Variants in PRKN observed in about 807,000 individuals in gnomAD.
The protein encoded by PRKN is parkin RBR E3 ubiquitin protein ligase, also known as E3 ubiquitin-protein ligase parkin.
Under a neutral mutation model 59.5 loss-of-function variants are expected in PRKN, and 56 were observed. The observed-to-expected ratio is 0.94, with a 90% confidence interval of 0.76 to 1.18. The LOEUF (loss-of-function observed/expected upper bound fraction) is 1.18, where lower values mean the gene tolerates loss of function less well. Ranked by LOEUF, PRKN falls within the 50% of genes most tolerant of loss-of-function variation. PRKN has a pLI of 0.00. For missense variants in PRKN, 657 were observed against 596.4 expected (o/e 1.10, Z -1.06); for synonymous variants, 250 against 222.1 (o/e 1.13, Z -1.12).
Position 161,386,299 on chromosome 6 carries a change from A to G in PRKN, c.1167+495T>C, listed in dbSNP as rs1179557334. ...TTAGAGAGTGAGGCTCGGCCAACAC[A>G]TTCTTTACTTAATGAGGACTGAAAC... On this transcript the variant is annotated intron_variant, in intron 10 of 11. Coordinates refer to ENST00000366898, the MANE Select transcript of PRKN (RefSeq NM_004562.3). The surrounding 1 kb of genome is among the most constrained non-coding windows in gnomAD (Gnocchi z 4.3). 1.3e-5 allele frequency among the ~76,000 whole-genome samples: 2 copies of G among 152,218 alleles called. No homozygotes were observed. The highest frequency in any genetic ancestry group is 6.5e-5 in the Admixed American group (1 of 15,284).
intron 9 of PRKN, among the ~76,000 whole-genome samples, chr6:161,507,572 C>T (rs1449253707): frequency 2.0e-5 from 3 of 152,136 alleles, no homozygotes; most frequent in Non-Finnish European, 4.4e-5. Flanking sequence ...TGGGGACAGC[C>T]AAGCTTTCCT....
rs1401503764 is a variant in PRKN at position 162,384,944 on chromosome 6, T to G, written c.171+58366A>C. On this transcript the variant is annotated intron_variant, in intron 2 of 11. Transcript: ENST00000366898. ...AAATACCCTGCCTTCCCCTCCCTTT[T>G]GTTGCTCTGTGTCCCACTTTAGTAT... is the stretch of plus-strand genomic sequence containing the variant. Among the ~76,000 whole-genome samples, 3 of 152,130 alleles carry G rather than the reference T, an allele frequency of 2.0e-5. No individual in the cohort carries two copies. The South Asian group carries it at 6.2e-4, about 31-fold the overall frequency.
At chr6:162,688,273 ATGG>A (rs1777643114) in intron 1 of PRKN, among the ~76,000 whole-genome samples, 1 of 152,198 alleles carries the variant, frequency 6.6e-6, no homozygotes, top group South Asian at 2.1e-4. Flanking sequence ...TAGATGTCAG[ATGG>A]TGGTGACTTT....
chr6:161,721,065 G>A (rs1202322026), intron 7 of PRKN, among the ~76,000 whole-genome samples: 3 of 152,160 alleles, frequency 2.0e-5, no homozygotes, highest in East Asian at 1.9e-4. Context: ...ATGAAGGTGC[G>A]ACATAACATC....
intron 2 of PRKN, among the ~76,000 whole-genome samples, chr6:162,411,057 C>A (rs1240162551): frequency 6.6e-6 from 1 of 152,116 alleles, no homozygotes; most frequent in African/African-American, 2.4e-5. Context: ...TTTGGGGTTT[C>A]ACAGTGATCT....
At chr6:162,522,677 C>A (rs1778124024) in intron 1 of PRKN, among the ~76,000 whole-genome samples, 1 of 152,070 alleles carries the variant, frequency 6.6e-6, no homozygotes, top group South Asian at 2.1e-4. Flanking sequence ...ACACACCTAA[C>A]AACATCACTG....
chr6:162,313,257 A>G (rs1782604034), intron 2 of PRKN, among the ~76,000 whole-genome samples: 1 of 152,094 alleles, frequency 6.6e-6, no homozygotes, highest in Non-Finnish European at 1.5e-5. Context: ...GCATTACACA[A>G]TAACTCTCAA....
chr6:161,850,447 G>A (rs376663167), intron 6 of PRKN, among the ~76,000 whole-genome samples: 20 of 151,982 alleles, frequency 1.3e-4, no homozygotes, highest in African/African-American at 3.6e-4. Flanking sequence ...GTGTGGTGGC[G>A]CGGCTGTAGT....
intron 1 of PRKN, among the ~76,000 whole-genome samples, chr6:162,502,343 T>G (rs756837264): frequency 6.6e-6 from 1 of 152,140 alleles, no homozygotes; most frequent in South Asian, 2.1e-4. Flanking sequence ...ACATTTTTTG[T>G]AAAGATGAGG....
At chr6:161,883,902 C>T (rs1795037702) in intron 6 of PRKN, among the ~76,000 whole-genome samples, 1 of 152,172 alleles carries the variant, frequency 6.6e-6, no homozygotes, top group East Asian at 1.9e-4. Flanking sequence ...ATCCGCCCAT[C>T]TTGGCCTCCC....
At chr6:161,968,316 G>T (rs1422630067) in intron 6 of PRKN, among the ~76,000 whole-genome samples, 2 of 151,666 alleles carry the variant, frequency 1.3e-5, no homozygotes, top group Non-Finnish European at 2.9e-5. Flanking sequence ...TGGGATTACA[G>T]GCGTGACTCA....
intron 7 of PRKN, among the ~76,000 whole-genome samples, chr6:161,692,679 C>A (rs923659868): frequency 6.6e-6 from 1 of 152,040 alleles, no homozygotes; most frequent in African/African-American, 2.4e-5. Flanking sequence ...CTGAGGGGGG[C>A]GGATCATTTG....
At position 161,582,682 on chromosome 6, in the gene PRKN, C is replaced by T. The variant is rs9365302; in HGVS notation, c.872-13266G>A. On this transcript the variant is annotated intron_variant, in intron 7 of 11. Transcript: ENST00000366898. The surrounding 1 kb of genome is among the most constrained non-coding windows in gnomAD (Gnocchi z 4.4). ...GACCTCGTGATCTGCCCGCCTCGGC[C>T]TCCCAAAGTTCTGGGATTACAGGTG... Among the ~76,000 whole-genome samples, 966 of 152,174 alleles carry T rather than the reference C, an allele frequency of 6.3e-3. 28 individuals are homozygous for T. In the East Asian group the frequency reaches 0.079, roughly 12 times the overall value.
At chr6:161,873,413 AG>A (rs1256746341) in intron 6 of PRKN, among the ~76,000 whole-genome samples, 7 of 152,020 alleles carry the variant, frequency 4.6e-5, no homozygotes, top group Non-Finnish European at 1.0e-4. Flanking sequence ...GAGACAGAAG[AG>A]GAGGCACGAA....
intron 7 of PRKN, among the ~76,000 whole-genome samples, chr6:161,706,644 G>A (rs761616729): frequency 6.6e-6 from 1 of 152,076 alleles, no homozygotes; most frequent in African/African-American, 2.4e-5. Context: ...GTGCGGTGGC[G>A]CAATCTCGGT....
Position 161,419,684 on chromosome 6 carries a change from A to T in PRKN, c.1084-32807T>A, listed in dbSNP as rs1788001194. Among the ~76,000 whole-genome samples, 1 of 151,660 alleles carries T rather than the reference A, an allele frequency of 6.6e-6. No individual in the cohort carries two copies. Among genetic ancestry groups the T allele is most frequent in the South Asian group, 2.1e-4 (1 of 4,768 alleles). On this transcript the variant is annotated intron_variant, in intron 9 of 11. Coordinates refer to ENST00000366898, the MANE Select transcript of PRKN (RefSeq NM_004562.3). This position sits in a 1 kb window ranked among gnomAD's most constrained non-coding sequence, Gnocchi z 4.1. Reference sequence around the variant, plus strand: ...ATTACAGGCATGAACCACCACGCCCAGCCTCCTCTGACTTTTGTAAGGGAA... The same window carrying T: ...ATTACAGGCATGAACCACCACGCCCTGCCTCCTCTGACTTTTGTAAGGGAA...
rs544491091 is a variant in PRKN at position 161,554,946 on chromosome 6, G to A, written c.934-5943C>T. Among the ~76,000 whole-genome samples, 1 of 151,986 alleles carries A rather than the reference G, an allele frequency of 6.6e-6. No individual in the cohort carries two copies. Among genetic ancestry groups the A allele is most frequent in the Non-Finnish European group, 1.5e-5 (1 of 67,994 alleles). ...TTTAGAATCCAGGAATTTTGTTAGA[G>A]TATATCTTGGTGCTGGTCATTTCTG... On this transcript the variant is annotated intron_variant, in intron 8 of 11. Coordinates refer to ENST00000366898, the MANE Select transcript of PRKN (RefSeq NM_004562.3). This position sits in a 1 kb window ranked among gnomAD's most constrained non-coding sequence, Gnocchi z 4.5.
At chr6:161,479,492 A>C (rs1791287176) in intron 9 of PRKN, among the ~76,000 whole-genome samples, 1 of 152,146 alleles carries the variant, frequency 6.6e-6, no homozygotes, top group African/African-American at 2.4e-5. Flanking sequence ...CAGCAATGCC[A>C]CTTCCATCTT....
intron 1 of PRKN, among the ~76,000 whole-genome samples, chr6:162,613,702 A>G (rs1023621529): frequency 6.6e-6 from 1 of 152,214 alleles, no homozygotes; most frequent in Non-Finnish European, 1.5e-5. Context: ...ATATACACAA[A>G]TTTTGAAAGT....
Sources: gnomAD v4.1 joint callset for allele counts (sites outside exome capture counted in the v4.1 genomes callset) on GRCh38, gnomAD v4.1.1 for gene constraint, Gnocchi (gnomAD v3.1) non-coding constraint, MANE v1.5 for transcripts, NCBI Gene and HGNC (gene_info 2026-07-23, HGNC 2026-07-21) for gene names.